The following PLXNA4 variants were observed in gnomAD, a reference collection of about 807,000 sequenced individuals.
The protein encoded by PLXNA4 is plexin A4, also known as plexin-A4.
In PLXNA4, 44 loss-of-function variants were observed where a neutral mutation model predicts 191.8. That is an observed-to-expected ratio of 0.23 (90% CI 0.18 to 0.29). The LOEUF is 0.29. Among genes scored for constraint, PLXNA4 ranks in the 10% least tolerant of loss-of-function variants. PLXNA4 has a pLI of 1.00. For synonymous variants in PLXNA4, 1,082 were observed against 1,009.5 expected, an observed-to-expected ratio of 1.07 and a Z score of -1.36; for missense variants, 1,800 against 2,488.8, an observed-to-expected ratio of 0.72 and a Z score of 5.89.
intron 2 of PLXNA4, among the ~76,000 whole-genome samples, chr7:132,584,738 G>A (rs1017089918): frequency 1.1e-4 from 16 of 152,130 alleles, no homozygotes; most frequent in African/African-American, 2.7e-4. Context: ...GAAACAGAGC[G>A]ATATGTATTT....
chr7:132,174,492 T>C (rs1171881737), intron 21 of PLXNA4, among the ~76,000 whole-genome samples: 1 of 152,228 alleles, frequency 6.6e-6, no homozygotes, highest in Non-Finnish European at 1.5e-5. Context: ...TCTGTGCATA[T>C]GTAGTTTTTT....
At chr7:132,645,933 A>C (rs1185647871) in exon 2 of PLXNA4, 1 of 152,652 alleles carries the variant, frequency 6.6e-6, no homozygotes. Flanking sequence ...AGTACCTTAA[A>C]TTCCAAGGTC....
At chr7:132,135,830 G>C (rs1019653172) in intron 30 of PLXNA4, among the ~76,000 whole-genome samples, 1 of 152,152 alleles carries the variant, frequency 6.6e-6, no homozygotes, top group Non-Finnish European at 1.5e-5. Context: ...TTGCTGGGTA[G>C]CTCCTGTCTC....
chr7:132,440,637 G>GT (rs926600782), intron 3 of PLXNA4, among the ~76,000 whole-genome samples: 19 of 151,932 alleles, frequency 1.3e-4, no homozygotes, highest in South Asian at 4.2e-4. Flanking sequence ...TGCTTTTGCA[G>GT]TTTTTTTTAA....
chr7:132,326,136 T>A (rs1048616340), intron 3 of PLXNA4, among the ~76,000 whole-genome samples: 1 of 152,042 alleles, frequency 6.6e-6, no homozygotes, highest in African/African-American at 2.4e-5. Flanking sequence ...AGGGCCCGAA[T>A]AGAACAAAAA....
At chr7:132,394,333 G>T (rs534540638) in intron 3 of PLXNA4, among the ~76,000 whole-genome samples, 1 of 152,258 alleles carries the variant, frequency 6.6e-6, no homozygotes, top group South Asian at 2.1e-4. Context: ...TAGCTAATGA[G>T]GGGAGCAGGT....
chr7:132,176,017 T>A (rs1217722738), intron 20 of PLXNA4, among the ~76,000 whole-genome samples: 1 of 152,220 alleles, frequency 6.6e-6, no homozygotes, highest in Non-Finnish European at 1.5e-5. Context: ...CCCAGTGAGC[T>A]GTGATGATCA....
chr7:132,373,957 C>T (rs1804551860), intron 3 of PLXNA4, among the ~76,000 whole-genome samples: 1 of 152,186 alleles, frequency 6.6e-6, no homozygotes. Flanking sequence ...GGATTCCAAC[C>T]TGAGGCTCAG....
chr7:132,226,326 G>T, intron 7 of PLXNA4, 66 bp from the exon 8 acceptor site: 1 of 1,378,558 alleles, frequency 7.3e-7, no homozygotes, highest in Non-Finnish European at 1.0e-6. Context: ...TCCCTGACCA[G>T]TGACACCTGC....
chr7:132,379,092 C>G (rs924981083), intron 3 of PLXNA4, among the ~76,000 whole-genome samples: 1 of 152,124 alleles, frequency 6.6e-6, no homozygotes, highest in Admixed American at 6.5e-5. Flanking sequence ...TTCAGATGAT[C>G]CGTCCACCTC....
chr7:132,225,007 T>C (rs184270762), intron 8 of PLXNA4, among the ~76,000 whole-genome samples: 11 of 152,246 alleles, frequency 7.2e-5, no homozygotes, highest in Admixed American at 4.6e-4. Flanking sequence ...TGGAGTTCCT[T>C]TGGAGAATGT....
chr7:132,578,563 G>A (rs1802341008), upstream of PLXNA4, among the ~76,000 whole-genome samples: 1 of 152,202 alleles, frequency 6.6e-6, no homozygotes, highest in Non-Finnish European at 1.5e-5. Context: ...GAATTGGGGA[G>A]CCTTTGAAAG....
Position 132,507,860 on chromosome 7 carries a change from G to C in PLXNA4, c.834C>G (p.Ser278=). The change falls in exon 2 of 32, where the codon TCC becomes TCG. Residue 278 remains serine (S), a synonymous_variant. Transcript: ENST00000321063. ...GSTTKEQVYT[S]KLVRLCKEDT... The stretch of plus-strand genomic sequence containing the variant: ...CCTCCTTGCAAAGCCTCACGAGCTT[G>C]GATGTATACACCTGCTCCTTGGTGG... 1 of 1,614,178 alleles carries C rather than the reference G, an allele frequency of 6.2e-7. No homozygotes were observed. Among genetic ancestry groups the C allele is most frequent in the Non-Finnish European group, 8.5e-7 (1 of 1,180,038 alleles).
chr7:132,271,512 G>A (rs564552936), intron 4 of PLXNA4, among the ~76,000 whole-genome samples: 21 of 152,114 alleles, frequency 1.4e-4, no homozygotes, highest in African/African-American at 5.1e-4. Context: ...CTTTATTTGG[G>A]AAAGCAACAA....
chr7:132,475,305 T>G (rs1445557955), intron 3 of PLXNA4, among the ~76,000 whole-genome samples: 1 of 152,160 alleles, frequency 6.6e-6, no homozygotes, highest in Non-Finnish European at 1.5e-5. Context: ...TTTCCCATTT[T>G]CAAGCTGCCC....
At chr7:132,273,632 G>A (rs553489124) in intron 4 of PLXNA4, among the ~76,000 whole-genome samples, 1 of 152,196 alleles carries the variant, frequency 6.6e-6, no homozygotes, top group Admixed American at 6.5e-5. Context: ...GATGGCCATA[G>A]TGTTGACTGA....
intron 1 of PLXNA4, among the ~76,000 whole-genome samples, chr7:132,565,819 C>T (rs1274611532): frequency 1.3e-5 from 2 of 152,180 alleles, no homozygotes; most frequent in Non-Finnish European, 2.9e-5. Flanking sequence ...GGCAATTTCC[C>T]AGCATGGCTG....
intron 16 of PLXNA4, among the ~76,000 whole-genome samples, chr7:132,183,697 A>G (rs1240266542): frequency 1.3e-5 from 2 of 152,130 alleles, no homozygotes; most frequent in East Asian, 3.9e-4. Context: ...TCTACAGACG[A>G]TTTTCCCCTC....
intron 1 of PLXNA4, among the ~76,000 whole-genome samples, chr7:132,572,599 G>T (rs1488001626): frequency 1.3e-5 from 2 of 152,154 alleles, no homozygotes; most frequent in African/African-American, 2.4e-5. Flanking sequence ...GGGGAATCAG[G>T]ACCCCTGCCT....
Sources: allele counts gnomAD v4.1 joint callset (sites outside exome capture counted in the v4.1 genomes callset), GRCh38; gene constraint gnomAD v4.1.1; transcripts MANE v1.5; gene names NCBI Gene and HGNC (gene_info 2026-07-23, HGNC 2026-07-21).